CNTNAP4: variants seen among roughly 807,000 people sequenced by gnomAD.
The protein encoded by CNTNAP4 is contactin associated protein family member 4, also known as contactin-associated protein-like 4.
A neutral mutation model predicts 148.4 loss-of-function variants in CNTNAP4; 98 were observed. The observed-to-expected ratio is 0.66, with a 90% CI of 0.56 to 0.78. The LOEUF (loss-of-function observed/expected upper bound fraction) is 0.78. CNTNAP4 is among the 30% of genes least tolerant of loss of function. The probability of loss-of-function intolerance (pLI) is 0.00; values close to 1 mark genes in which losing one functional copy is unlikely to be tolerated. For synonymous variants in CNTNAP4, 730 were observed against 565.1 expected (o/e 1.29, Z -4.14); for missense variants, 1,935 against 1,565.6 (o/e 1.24, Z -3.98).
intron 3 of CNTNAP4, among the ~76,000 whole-genome samples, chr16:76,424,537 T>A (rs1191666901): frequency 1.3e-5 from 2 of 152,080 alleles, no homozygotes; most frequent in Non-Finnish European, 2.9e-5. Context: ...GCAGATCATT[T>A]GAGGTCAGGA....
chr16:76,447,088 G>A (rs1448048274), intron 4 of CNTNAP4, among the ~76,000 whole-genome samples: 3 of 152,022 alleles, frequency 2.0e-5, no homozygotes, highest in African/African-American at 4.8e-5. Flanking sequence ...TAGGCAGATC[G>A]CCTAAACCCA....
intron 2 of CNTNAP4, among the ~76,000 whole-genome samples, chr16:76,334,218 T>C (rs1963819813): frequency 6.6e-6 from 1 of 151,672 alleles, no homozygotes; most frequent in East Asian, 1.9e-4. Context: ...GCCTATTCTT[T>C]GTCATGTATA....
intron 1 of CNTNAP4, among the ~76,000 whole-genome samples, chr16:76,305,286 A>T (rs964445533): frequency 7.9e-5 from 12 of 152,092 alleles, no homozygotes; most frequent in African/African-American, 2.9e-4. Flanking sequence ...CTTTCTCCAT[A>T]AGAATAGGTA....
intron 3 of CNTNAP4, among the ~76,000 whole-genome samples, chr16:76,374,068 C>T (rs187141430): frequency 2.6e-5 from 4 of 152,088 alleles, no homozygotes; most frequent in Non-Finnish European, 5.9e-5. Context: ...ACCATTCTTT[C>T]ATTTTGGGTT....
At chr16:76,546,300 A>C (rs2084729127) in intron 21 of CNTNAP4, among the ~76,000 whole-genome samples, 1 of 152,208 alleles carries the variant, frequency 6.6e-6, no homozygotes, top group Non-Finnish European at 1.5e-5. Flanking sequence ...ACTGTGCTGC[A>C]CAGCAGTAGG....
intron 15 of CNTNAP4, among the ~76,000 whole-genome samples, chr16:76,499,492 A>G (rs569781060): frequency 1.3e-5 from 2 of 151,964 alleles, no homozygotes; most frequent in Admixed American, 6.6e-5. Context: ...ATTTATTACA[A>G]CGCTGTTTAT....
Position 76,558,573 on chromosome 16 carries a change from A to T in CNTNAP4, c.3817A>T (p.Arg1273Ter), listed in dbSNP as rs1172284158. ...TTATCAGCAGAAAAGGTTATATAAA[A>T]GAAGTGAGGCAAAAAGGTCAGAGAA... ...RIYQQKRLYK[R>*]SEAKRSENVD... Residue 1273 changes from arginine (R) to a stop codon, truncating the protein, a stop_gained, in exon 24 of 24, where the codon AGA becomes TGA. Transcript: ENST00000611870. LOFTEE classifies it high-confidence loss of function. 6.2e-7 allele frequency: 1 copy of T among 1,612,868 alleles called. No homozygotes were observed. Among genetic ancestry groups the T allele is most frequent in the Non-Finnish European group, 8.5e-7 (1 of 1,179,066 alleles).
intron 1 of CNTNAP4, among the ~76,000 whole-genome samples, chr16:76,298,620 G>C (rs927012807): frequency 4.0e-5 from 6 of 151,672 alleles, no homozygotes; most frequent in African/African-American, 1.5e-4. Flanking sequence ...AATGAAAGCA[G>C]AAAGCCAACA....
intron 3 of CNTNAP4, among the ~76,000 whole-genome samples, chr16:76,365,101 A>C (rs1567866573): frequency 2.0e-5 from 3 of 152,312 alleles, no homozygotes; most frequent in Non-Finnish European, 2.9e-5. Flanking sequence ...ACGGCTAGCC[A>C]GTTTTCCCAA....
chr16:76,545,119 T>C (rs1399990096), intron 21 of CNTNAP4, among the ~76,000 whole-genome samples: 1 of 152,222 alleles, frequency 6.6e-6, no homozygotes, highest in Non-Finnish European at 1.5e-5. Context: ...AAGTGCAAGT[T>C]AGAGCAAGAA....
At chr16:76,449,144 T>C (rs543553233) in intron 6 of CNTNAP4, among the ~76,000 whole-genome samples, 193 bp downstream of exon 6, 1 of 152,276 alleles carries the variant, frequency 6.6e-6, no homozygotes, top group Non-Finnish European at 1.5e-5. Context: ...TCTCACAGTA[T>C]GTAAATTTAT....
rs529724149 is a variant in CNTNAP4, at chr16:76,529,847, G to GTGTA, written c.2756-5695_2756-5694insATGT. On this transcript the variant is annotated intron_variant, in intron 17 of 23. Coordinates refer to ENST00000611870, the MANE Select transcript of CNTNAP4 (RefSeq NM_033401.5). ...GACTGTAGTGATGAATCTCAGCTGTGTGTGTGTGTGTGTGTGTGTGTGTGT... is the reference window on the plus strand; with the variant it reads ...GACTGTAGTGATGAATCTCAGCTGTGTGTATGTGTGTGTGTGTGTGTGTGTGTGT... Among the ~76,000 whole-genome samples, 698 of 150,976 alleles carry GTGTA rather than the reference G, an allele frequency of 4.6e-3. 4 individuals carry two copies. Among genetic ancestry groups the GTGTA allele is most frequent in the African/African-American group, 0.016 (678 of 41,154 alleles).
chr16:76,485,145 T>G (rs947897495), intron 12 of CNTNAP4, among the ~76,000 whole-genome samples: 1 of 152,176 alleles, frequency 6.6e-6, no homozygotes, highest in Admixed American at 6.5e-5. Flanking sequence ...GAGACAAAGT[T>G]TCACTCTTGT....
At position 76,293,852 on chromosome 16, in the gene CNTNAP4, T is replaced by C. The variant is rs1388422704; in HGVS notation, c.85+16105T>C. Among the ~76,000 whole-genome samples the C allele has an allele frequency of 1.6e-4, 24 of 151,398 alleles. 2 individuals are homozygous for C. The highest frequency in any genetic ancestry group is 1.1e-3 in the Admixed American group (17 of 15,186). ...TTTTTTTTTAAAAAAAAGGATATAA[T>C]TGATGCCCGTGACTGAATGTAGCAT... is the stretch of plus-strand genomic sequence containing the variant. On this transcript the variant is annotated intron_variant, in intron 1 of 23. Transcript: ENST00000611870.
At chr16:76,340,603 T>G (rs879769963) in intron 2 of CNTNAP4, among the ~76,000 whole-genome samples, 1 of 152,132 alleles carries the variant, frequency 6.6e-6, no homozygotes, top group African/African-American at 2.4e-5. Flanking sequence ...CACTAAACTT[T>G]CTCCGATGCT....
chr16:76,395,983 C>T (rs1435290515), intron 3 of CNTNAP4, among the ~76,000 whole-genome samples: 6 of 152,136 alleles, frequency 3.9e-5, no homozygotes, highest in Admixed American at 2.0e-4. Flanking sequence ...CTGGCCTCAG[C>T]CTCCCAAAAT....
chr16:76,435,713 C>T (rs2079799052), intron 4 of CNTNAP4, among the ~76,000 whole-genome samples: 2 of 152,158 alleles, frequency 1.3e-5, no homozygotes, highest in Admixed American at 1.3e-4. Context: ...CCTTTCTCTA[C>T]ATTAACCCAA....
At chr16:76,355,797 AT>A (rs1431399373) in intron 3 of CNTNAP4, among the ~76,000 whole-genome samples, 4 of 151,932 alleles carry the variant, frequency 2.6e-5, no homozygotes, top group Non-Finnish European at 5.9e-5. Flanking sequence ...TAAGACTTGT[AT>A]AAAAAAAGTT....
Position 76,452,772 on chromosome 16 carries a change from A to G in CNTNAP4, c.1333+3A>G. On this transcript the variant is annotated splice_donor_region_variant and intron_variant, in intron 8 of 23. Transcript: ENST00000611870. ...ATTACCCAGTGACATCACAGCAGGT[A>G]ATAAATGTATTCCCTGGGGCAAAGC... 6.4e-7 allele frequency: 1 copy of G among 1,560,032 alleles called. No homozygotes were observed. Among genetic ancestry groups the G allele is most frequent in the Non-Finnish European group, 8.7e-7 (1 of 1,153,304 alleles).
Sources: gnomAD v4.1 joint callset for allele counts (sites outside exome capture counted in the v4.1 genomes callset) on GRCh38, gnomAD v4.1.1 for gene constraint, MANE v1.5 for transcripts, NCBI Gene and HGNC (gene_info 2026-07-23, HGNC 2026-07-21) for gene names.